RBFOX1: variants seen among roughly 807,000 people sequenced by gnomAD.
RBFOX1 encodes RNA binding fox-1 homolog 1, also known as RNA binding protein fox-1 homolog 1.
In RBFOX1, 8 loss-of-function variants were observed where a neutral mutation model predicts 57.7. The observed-to-expected ratio is 0.14, with a 90% CI of 0.08 to 0.25. The LOEUF is 0.25. Ranked by LOEUF, RBFOX1 falls within the 10% of genes least tolerant of loss-of-function variation. The pLI is 1.00. For missense variants in RBFOX1, 611 were observed against 548.5 expected, an observed-to-expected ratio of 1.11 and a Z score of -1.14; for synonymous variants, 326 against 222.4, an observed-to-expected ratio of 1.47 and a Z score of -4.15.
chr16:6,103,387 C>T (rs970082763), intron 1 of RBFOX1, among the ~76,000 whole-genome samples: 2 of 152,070 alleles, frequency 1.3e-5, no homozygotes, highest in Non-Finnish European at 2.9e-5. Flanking sequence ...AGATATCTAA[C>T]ATATGTCTGA....
chr16:6,184,871 A>G (rs1048629074), intron 1 of RBFOX1, among the ~76,000 whole-genome samples: 1 of 152,034 alleles, frequency 6.6e-6, no homozygotes, highest in Admixed American at 6.6e-5. Context: ...CTGGTCTACT[A>G]CAGGAATTTA....
intron 14 of RBFOX1, among the ~76,000 whole-genome samples, chr16:7,687,309 A>T (rs1205635125): frequency 2.6e-5 from 4 of 152,044 alleles, no homozygotes; most frequent in Non-Finnish European, 5.9e-5. Flanking sequence ...TAAAATACTG[A>T]TTGCAAGGAA....
chr16:7,141,572 C>T (rs919703840), intron 4 of RBFOX1, among the ~76,000 whole-genome samples: 3 of 152,104 alleles, frequency 2.0e-5, no homozygotes, highest in African/African-American at 7.2e-5. Flanking sequence ...AAGGTGGGGC[C>T]ATTTATGGCT....
Position 6,450,776 on chromosome 16 carries a change from T to TACAC in RBFOX1, c.-64+133720_-64+133721insCACA, listed in dbSNP as rs1374168050. 4.3e-4 allele frequency among the ~76,000 whole-genome samples: 18 copies of TACAC among 41,756 alleles called. 1 individual carries two copies. Among genetic ancestry groups the TACAC allele is most frequent in the African/African-American group, 2.5e-3 (18 of 7,092 alleles). 27.4% of individuals were successfully genotyped at this position (41,756 alleles called of 152,430 possible). On this transcript the variant is annotated intron_variant, in intron 2 of 15. Transcript: ENST00000550418. ...ATACATATATATATGTGTATATATA[T>TACAC]ATATATATATATACATATATATATG...
Position 7,262,968 on chromosome 16 carries a change from T to G in RBFOX1, c.27+210870T>G, listed in dbSNP as rs1353265215. On this transcript the variant is annotated intron_variant, in intron 4 of 15. Transcript: ENST00000550418. ...AGAGTAAAATTTCTGGGACCTCCAC[T>G]TACTCTAGGAAGTGTTAGAGGGTGA... Among the ~76,000 whole-genome samples the G allele has an allele frequency of 4.6e-5, 7 of 152,176 alleles. No homozygotes were observed. The East Asian group carries it at 1.2e-3, about 25-fold the overall frequency.
chr16:7,629,980 T>C (rs573559608), intron 10 of RBFOX1, among the ~76,000 whole-genome samples: 1 of 152,326 alleles, frequency 6.6e-6, no homozygotes, highest in African/African-American at 2.4e-5. Context: ...AATTTTTCTT[T>C]CTCCGCCTTA....
intron 1 of RBFOX1, among the ~76,000 whole-genome samples, chr16:6,133,190 C>A (rs1224573214): frequency 6.6e-6 from 1 of 152,128 alleles, no homozygotes; most frequent in Non-Finnish European, 1.5e-5. Flanking sequence ...ATAAGACAGG[C>A]CATTATATCA....
chr16:6,167,860 G>A (rs1434424170), intron 1 of RBFOX1, among the ~76,000 whole-genome samples: 3 of 152,124 alleles, frequency 2.0e-5, no homozygotes, highest in Non-Finnish European at 4.4e-5. Context: ...GCACTGCTCC[G>A]GGATGGGGTC....
intron 2 of RBFOX1, among the ~76,000 whole-genome samples, chr16:6,615,299 GA>G (rs1439551071): frequency 3.9e-5 from 6 of 152,160 alleles, no homozygotes; most frequent in African/African-American, 1.4e-4. Context: ...TCGTATTTAA[GA>G]TCCTCATGCC....
chr16:5,428,998 C>G (rs969803617), intron 1 of RBFOX1, among the ~76,000 whole-genome samples: 1 of 152,070 alleles, frequency 6.6e-6, no homozygotes, highest in African/African-American at 2.4e-5. Context: ...CGACCTGTGG[C>G]TTTTTAAATG....
intron 2 of RBFOX1, among the ~76,000 whole-genome samples, chr16:5,494,927 T>A (rs932597376): frequency 3.3e-5 from 5 of 152,194 alleles, no homozygotes; most frequent in African/African-American, 1.2e-4. Context: ...TTTTGGCTCC[T>A]GTAAGTGAAG....
At chr16:7,485,434 A>G (rs372711970) in intron 4 of RBFOX1, among the ~76,000 whole-genome samples, 15 of 152,324 alleles carry the variant, frequency 9.8e-5, no homozygotes, top group Non-Finnish European at 1.9e-4. Context: ...AACACGCTCA[A>G]TAGGTTTTCC....
rs142612519 is a variant in RBFOX1 at position 5,767,009 on chromosome 16, T to C, written c.319-100294T>C. Among the ~76,000 whole-genome samples, 544 of 152,352 alleles carry C rather than the reference T, an allele frequency of 3.6e-3. 2 individuals carry two copies. The highest frequency in any genetic ancestry group is 6.0e-3 in the Non-Finnish European group (408 of 68,030). Reference sequence around the variant, plus strand: ...GGGTTTTCTGTATCTGTTAGTTTGCTTCTGGGTGTTGTGGTTTTCACTTTG... The same window carrying C: ...GGGTTTTCTGTATCTGTTAGTTTGCCTCTGGGTGTTGTGGTTTTCACTTTG... On this transcript the variant is annotated intron_variant, in intron 3 of 19. Coordinates refer to the RBFOX1 transcript ENST00000641259.
chr16:6,569,705 C>T (rs928676154), intron 2 of RBFOX1, among the ~76,000 whole-genome samples: 9 of 152,176 alleles, frequency 5.9e-5, no homozygotes, highest in East Asian at 1.9e-4. Context: ...ACAATAACAG[C>T]TTACCTACCA....
chr16:7,413,609 C>A (rs1378754301), intron 4 of RBFOX1, among the ~76,000 whole-genome samples: 1 of 152,052 alleles, frequency 6.6e-6, no homozygotes, highest in Non-Finnish European at 1.5e-5. Flanking sequence ...CCTGCCTGCC[C>A]CTTTGCTTGT....
intron 11 of RBFOX1, among the ~76,000 whole-genome samples, chr16:7,646,469 A>G (rs1268004601): frequency 1.3e-5 from 2 of 152,224 alleles, no homozygotes; most frequent in African/African-American, 4.8e-5. Flanking sequence ...CCAAATTTGC[A>G]TGAATCTCTC....
intron 4 of RBFOX1, among the ~76,000 whole-genome samples, chr16:7,341,776 C>CCCTCCTTCCCTCCCTCCCTCCT (rs1555741398): frequency 1.1e-5 from 1 of 95,120 alleles, no homozygotes; most frequent in Non-Finnish European, 2.1e-5. Flanking sequence ...CCCTCCCTCC[C>CCCTCCTTCCCTCCCTCCCTCCT]TCCTTCCTTC....
chr16:6,528,736 G>A (rs1263392541), intron 2 of RBFOX1, among the ~76,000 whole-genome samples: 1 of 152,112 alleles, frequency 6.6e-6, no homozygotes, highest in African/African-American at 2.4e-5. Context: ...ATACTTCTTG[G>A]TTCAGGGGAG....
chr16:6,626,666 A>C (rs2098312446), intron 2 of RBFOX1, among the ~76,000 whole-genome samples: 2 of 152,152 alleles, frequency 1.3e-5, no homozygotes, highest in African/African-American at 4.8e-5. Flanking sequence ...AGGCTGAGGC[A>C]GGAGAATTGC....
Sources: gnomAD v4.1 joint callset for allele counts (sites outside exome capture counted in the v4.1 genomes callset) on GRCh38, gnomAD v4.1.1 for gene constraint, MANE v1.5 for transcripts, NCBI Gene and HGNC (gene_info 2026-07-23, HGNC 2026-07-21) for gene names.